Variants in KIDINS220 observed in about 807,000 individuals in gnomAD.
The protein encoded by KIDINS220 is kinase D interacting substrate 220.
A neutral mutation model predicts 157.6 loss-of-function variants in KIDINS220; 63 were observed. The ratio of observed to expected loss-of-function variants is 0.40; its 90% CI spans 0.33 to 0.49. KIDINS220 has a LOEUF of 0.49. KIDINS220 is among the 20% of genes least tolerant of loss of function. The pLI is 0.66. For missense variants in KIDINS220, 1,772 were observed against 2,171.2 expected (o/e 0.82, Z 3.65); for synonymous variants, 732 against 783.6 (o/e 0.93, Z 1.10).
At chr2:8,832,295 T>C (rs1679754466) in intron 1 of KIDINS220, among the ~76,000 whole-genome samples, 1 of 152,324 alleles carries the variant, frequency 6.6e-6, no homozygotes, top group African/African-American at 2.4e-5. Context: ...GCACTGACAG[T>C]GTTTAATAAA....
rs1381199690 is a variant in KIDINS220, at chr2:8,734,718, G to A, written c.3753C>T (p.Asn1251=). 6 of 1,613,228 alleles carry A rather than the reference G, an allele frequency of 3.7e-6. No homozygotes were observed. Among genetic ancestry groups the A allele is most frequent in the Non-Finnish European group, 4.2e-6 (5 of 1,179,716 alleles). Reference sequence around the variant, plus strand: ...TCATCTCTTTCTTCAGCTCATCAATGTTACACTGAGCTAACACACGGCCAT... The same window carrying A: ...TCATCTCTTTCTTCAGCTCATCAATATTACACTGAGCTAACACACGGCCAT... ...NINGRVLAQC[N]IDELKKEMNM... The change falls in exon 28 of 30, where the codon AAC becomes AAT. Residue 1251 remains asparagine (N), a synonymous_variant. Coordinates refer to ENST00000256707, the MANE Select transcript of KIDINS220 (RefSeq NM_020738.4).
chr2:8,724,934 C>G (rs1267106483), downstream of KIDINS220: 1 of 152,226 alleles, frequency 6.6e-6, no homozygotes, highest in African/African-American at 2.4e-5. The surrounding 1 kb of genome is among the most constrained non-coding windows in gnomAD (Gnocchi z 4.6). Context: ...ACCTGGCCAA[C>G]AAGTATTTAC....
chr2:8,835,584 A>T (rs1680278983), intron 1 of KIDINS220, among the ~76,000 whole-genome samples: 1 of 150,068 alleles, frequency 6.7e-6, no homozygotes, highest in Non-Finnish European at 1.5e-5. Context: ...GGCCCCTAAG[A>T]GGAGGTCAGG....
At chr2:8,736,764 G>A in intron 27 of KIDINS220, 104 bp downstream of exon 27, 2 of 1,206,880 alleles carry the variant, frequency 1.7e-6, no homozygotes, top group Non-Finnish European at 1.1e-6. Flanking sequence ...ATTTTAACAG[G>A]GAATGCATGT....
intron 4 of KIDINS220, among the ~76,000 whole-genome samples, chr2:8,814,149 T>C (rs1483105413): frequency 1.3e-5 from 2 of 152,154 alleles, no homozygotes; most frequent in Non-Finnish European, 2.9e-5. Flanking sequence ...TTTCCAGAGG[T>C]AGGCAAAGTC....
At position 8,786,351 on chromosome 2, in the gene KIDINS220, C is replaced by G; in HGVS notation, c.1794G>C (p.Leu598Phe). The change falls in exon 16 of 30, where the codon TTG (leucine) becomes TTC (phenylalanine). Residue 598 changes from leucine (L) to phenylalanine (F), a missense_variant. By Grantham distance (22) the Leu-to-Phe change is conservative. Coordinates refer to ENST00000256707, the MANE Select transcript of KIDINS220 (RefSeq NM_020738.4). ...QTTKALPVRF[L>F]FTDYNRLSSV... ...TGGACAGTCTATTGTAATCTGTAAA[C>G]AAAAACCTTGAAGAAAAGAACAAAT... 4.3e-6 allele frequency: 7 copies of G among 1,610,790 alleles called. No individual in the cohort carries two copies. Among genetic ancestry groups the G allele is most frequent in the Non-Finnish European group, 5.9e-6 (7 of 1,178,342 alleles).
chr2:8,728,567 G>A (rs762784841), downstream of KIDINS220, among the ~76,000 whole-genome samples: 26 of 152,112 alleles, frequency 1.7e-4, no homozygotes, highest in Non-Finnish European at 3.4e-4. Flanking sequence ...TGTCAATTTC[G>A]GTATCAGTAT....
At chr2:8,728,141 G>A (rs1353096775), downstream of KIDINS220, among the ~76,000 whole-genome samples, 5 of 152,218 alleles carry the variant, frequency 3.3e-5, no homozygotes, top group Middle Eastern at 3.4e-3. Context: ...CCAGGAGTTC[G>A]AGACCAACCT....
intron 1 of KIDINS220, among the ~76,000 whole-genome samples, chr2:8,833,560 T>C (rs1163852700): frequency 6.6e-6 from 1 of 150,580 alleles, no homozygotes; most frequent in Non-Finnish European, 1.5e-5. Context: ...CACTAGGATA[T>C]AAGCTTTTAA....
intron 22 of KIDINS220, among the ~76,000 whole-genome samples, chr2:8,763,434 T>C (rs929535193): frequency 5.9e-5 from 9 of 152,190 alleles, no homozygotes; most frequent in African/African-American, 1.9e-4. Flanking sequence ...CGGCACTCAG[T>C]TTCAGATTTG....
At chr2:8,748,532 A>G (rs972784085) in intron 24 of KIDINS220, among the ~76,000 whole-genome samples, 3 of 152,204 alleles carry the variant, frequency 2.0e-5, no homozygotes, top group Non-Finnish European at 2.9e-5. Context: ...TAAATAAGCA[A>G]GCATATTTTT....
intron 17 of KIDINS220, among the ~76,000 whole-genome samples, chr2:8,783,706 C>T (rs1672013915): frequency 6.6e-6 from 1 of 151,976 alleles, no homozygotes; most frequent in Non-Finnish European, 1.5e-5. Context: ...AACACAATTA[C>T]TATATATATT....
chr2:8,818,667 A>C, intron 3 of KIDINS220, 28 bp downstream of exon 3: 1 of 1,293,072 alleles, frequency 7.7e-7, no homozygotes, highest in South Asian at 1.3e-5. Flanking sequence ...AAGTGAGTAA[A>C]TGATGAGTAA....
At chr2:8,798,359 CT>C (rs1674248997) in intron 9 of KIDINS220, 59 bp from the exon 10 acceptor site, 4 of 914,664 alleles carry the variant, frequency 4.4e-6, no homozygotes, top group Non-Finnish European at 7.1e-6. Flanking sequence ...AAAACTGCTA[CT>C]TATAAATACA....
At chr2:8,723,073 C>G (rs1170226821), downstream of KIDINS220, 1 of 152,248 alleles carries the variant, frequency 6.6e-6, no homozygotes, top group East Asian at 1.9e-4. Flanking sequence ...CATGCTTCAT[C>G]GCCTGTGGGG....
chr2:8,727,075 C>A, downstream of KIDINS220: 1 of 1,003,162 alleles, frequency 1.0e-6, no homozygotes, highest in Non-Finnish European at 1.3e-6. Context: ...CTATACGTTT[C>A]TATTTTTCAA....
intron 26 of KIDINS220, among the ~76,000 whole-genome samples, chr2:8,738,811 GTAGTT>G (rs1270425053): frequency 3.3e-5 from 5 of 152,156 alleles, no homozygotes; most frequent in Admixed American, 2.6e-4. Context: ...TATAAAGTCT[GTAGTT>G]TAGTTAATAG....
intron 22 of KIDINS220, chr2:8,757,359 C>T: frequency 9.4e-7 from 1 of 1,059,970 alleles, no homozygotes; most frequent in South Asian, 3.2e-5. Context: ...AACTAAATAT[C>T]TATTTTTTAT....
At chr2:8,811,820 G>T (rs576172567) in intron 6 of KIDINS220, among the ~76,000 whole-genome samples, 1 of 152,236 alleles carries the variant, frequency 6.6e-6, no homozygotes, top group East Asian at 1.9e-4. Flanking sequence ...CTTTCTGGAG[G>T]TGATGGCAAA....
Sources: gnomAD v4.1 joint callset for allele counts (sites outside exome capture counted in the v4.1 genomes callset) on GRCh38, gnomAD v4.1.1 for gene constraint, Gnocchi (gnomAD v3.1) non-coding constraint, MANE v1.5 for transcripts, NCBI Gene and HGNC (gene_info 2026-07-23, HGNC 2026-07-21) for gene names.